Variants in P2RX5 observed in about 807,000 individuals in gnomAD.
P2RX5 encodes P2X purinoceptor 5.
Under a neutral mutation model 54.1 loss-of-function variants are expected in P2RX5, and 46 were observed. The ratio of observed to expected loss-of-function variants is 0.85; its 90% CI spans 0.67 to 1.09. P2RX5 has a LOEUF of 1.09. P2RX5 is among the 50% of genes least tolerant of loss of function. The probability of loss-of-function intolerance (pLI) is 0.00; values close to 1 mark genes in which losing one functional copy is unlikely to be tolerated. For missense variants in P2RX5, 566 were observed against 549.8 expected (o/e 1.03, Z -0.29); for synonymous variants, 226 against 226.4 (o/e 1.00, Z 0.02).
the P2RX5 span, among the ~76,000 whole-genome samples, chr17:3,708,238 C>G: frequency 6.6e-6 from 1 of 152,000 alleles, no homozygotes; most frequent in Admixed American, 6.6e-5. Context: ...TAATGCCCAC[C>G]ACCTCATCTG....
At chr17:3,683,647 T>C (rs2050349059) in intron 9 of P2RX5, among the ~76,000 whole-genome samples, 1 of 151,726 alleles carries the variant, frequency 6.6e-6, no homozygotes, top group African/African-American at 2.4e-5. Flanking sequence ...GAAGAATTGC[T>C]TGAGCCTGGG....
rs1308236782 is a variant in P2RX5, at chr17:3,690,455, A to G, written c.505T>C (p.Cys169Arg). Residue 169 changes from cysteine (C) to arginine (R), a missense_variant, in exon 5 of 12, where the codon TGC (cysteine) becomes CGC (arginine). Physicochemically the swap from Cys to Arg is radical, Grantham distance 180. Coordinates refer to ENST00000225328, the MANE Select transcript of P2RX5 (RefSeq NM_002561.4). ...GGCCTGGAGCTTGTCTCCAACGGGC[A>G]CCAGGCAAAGATCTCACAGGTGCCC... ...ARGTCEIFAW[C>R]PLETSSRPEE... 6.2e-7 allele frequency: 1 copy of G among 1,612,726 alleles called. No individual in the cohort carries two copies. The highest frequency in any genetic ancestry group is 1.1e-5 in the South Asian group (1 of 90,966).
chr17:3,675,285 C>T, intron 11 of P2RX5: 2 of 869,910 alleles, frequency 2.3e-6, no homozygotes, highest in Middle Eastern at 5.9e-4. Context: ...GGCAATCTGC[C>T]CGCCTCGGCC....
chr17:3,701,040 G>A (rs2050812714), upstream of P2RX5, among the ~76,000 whole-genome samples: 1 of 152,154 alleles, frequency 6.6e-6, no homozygotes, highest in African/African-American at 2.4e-5. Flanking sequence ...ACGCTTCCCT[G>A]TAATGAGTAT....
At chr17:3,695,787 T>G in intron 1 of P2RX5, 82 bp downstream of exon 1, 1 of 1,565,970 alleles carries the variant, frequency 6.4e-7, no homozygotes, top group Non-Finnish European at 8.8e-7. Flanking sequence ...GCCTGCGAAT[T>G]CCAGGACCCT....
At chr17:3,701,924 AGTAATTTTTTTGTGT>A in the P2RX5 span, among the ~76,000 whole-genome samples, 1 of 150,976 alleles carries the variant, frequency 6.6e-6, no homozygotes, top group Non-Finnish European at 1.5e-5. Flanking sequence ...CCCGGCGGTG[AGTAATTTTTTTGTGT>A]GTAATTTTTT....
chr17:3,676,368 T>G, intron 11 of P2RX5: 1 of 985,394 alleles, frequency 1.0e-6, no homozygotes, highest in Non-Finnish European at 1.2e-6. Flanking sequence ...TTCGGCAAAA[T>G]CAGGGAGCCT....
At chr17:3,706,174 C>A in the P2RX5 span, among the ~76,000 whole-genome samples, 1 of 151,992 alleles carries the variant, frequency 6.6e-6, no homozygotes, top group Non-Finnish European at 1.5e-5. Flanking sequence ...AGGACAGTCT[C>A]GATCTCCTGA....
At chr17:3,697,941 C>T (rs796173814), upstream of P2RX5, among the ~76,000 whole-genome samples, 30 of 152,214 alleles carry the variant, frequency 2.0e-4, no homozygotes, top group African/African-American at 7.0e-4. Context: ...CAGAAGCTCC[C>T]GGAGAGCAGG....
chr17:3,715,237 A>C, the P2RX5 span, among the ~76,000 whole-genome samples: 22,800 of 152,240 alleles, frequency 0.15, 5,330 homozygotes, highest in African/African-American at 0.5. Context: ...TACTGGATCT[A>C]ATCTTATTTA....
chr17:3,714,129 G>C, the P2RX5 span, among the ~76,000 whole-genome samples: 1 of 151,000 alleles, frequency 6.6e-6, no homozygotes, highest in Non-Finnish European at 1.5e-5. Context: ...GGGTTTCACC[G>C]TGTTAGCCAG....
chr17:3,680,494 A>T (rs1475367131), intron 10 of P2RX5, among the ~76,000 whole-genome samples: 14 of 18,042 alleles, frequency 7.8e-4, no homozygotes, highest in African/African-American at 2.0e-3. Flanking sequence ...TCCTCCACCC[A>T]GTGTCCTCCA....
upstream of P2RX5, among the ~76,000 whole-genome samples, chr17:3,697,891 A>G (rs139113287): frequency 5.7e-3 from 865 of 152,284 alleles, 3 homozygotes; most frequent in Middle Eastern, 0.02. Context: ...ACTATCCAGT[A>G]GGATCTCGTT....
upstream of P2RX5, among the ~76,000 whole-genome samples, chr17:3,699,164 G>A (rs957313551): frequency 4.7e-5 from 7 of 148,772 alleles, no homozygotes; most frequent in Non-Finnish European, 1.0e-4. Context: ...GGGAGGCCAA[G>A]GCAGGAGGAT....
chr17:3,674,012 T>A, intron 11 of P2RX5, 135 bp from the exon 12 acceptor site: 3 of 902,224 alleles, frequency 3.3e-6, no homozygotes, highest in Non-Finnish European at 5.4e-6. Context: ...TCTCCCCATT[T>A]AAAAGCCAGT....
chr17:3,723,582 C>A, the P2RX5 span: 1 of 1,235,700 alleles, frequency 8.1e-7, no homozygotes, highest in Non-Finnish European at 1.1e-6. Context: ...TGGCAGCCCC[C>A]GGCACTGGCC....
intron 9 of P2RX5, among the ~76,000 whole-genome samples, chr17:3,685,184 T>C (rs2142998972): frequency 6.6e-6 from 1 of 152,048 alleles, no homozygotes; most frequent in East Asian, 1.9e-4. Flanking sequence ...GATAGAGACT[T>C]TAGAAGTTCA....
chr17:3,699,633 C>T (rs2050801417), upstream of P2RX5, among the ~76,000 whole-genome samples: 1 of 151,368 alleles, frequency 6.6e-6, no homozygotes, highest in Admixed American at 6.6e-5. Flanking sequence ...GGTGAAACCC[C>T]CTCTCTATGA....
At chr17:3,714,829 C>A in the P2RX5 span, 1 of 1,475,190 alleles carries the variant, frequency 6.8e-7, no homozygotes, top group Non-Finnish European at 9.5e-7. Context: ...GATAGCCTCT[C>A]CCAGTGGATA....
Sources: allele counts gnomAD v4.1 joint callset (sites outside exome capture counted in the v4.1 genomes callset), GRCh38; gene constraint gnomAD v4.1.1; transcripts MANE v1.5; gene names NCBI Gene and HGNC (gene_info 2026-07-23, HGNC 2026-07-21).